ZNF804B: variants seen among roughly 807,000 people sequenced by gnomAD.
ZNF804B encodes zinc finger 804B.
In ZNF804B, 80 loss-of-function variants were observed where a neutral mutation model predicts 101.4. The ratio of observed to expected loss-of-function variants is 0.79; its 90% CI spans 0.66 to 0.95. The LOEUF is 0.95. ZNF804B is among the 40% of genes least tolerant of loss of function. The pLI is 0.00. For missense variants in ZNF804B, 1,673 were observed against 1,561.9 expected (o/e 1.07, Z -1.20); for synonymous variants, 622 against 558.8 (o/e 1.11, Z -1.59).
intron 1 of ZNF804B, among the ~76,000 whole-genome samples, chr7:88,929,850 A>C (rs1792857252): frequency 6.6e-6 from 1 of 151,954 alleles, no homozygotes; most frequent in South Asian, 2.1e-4. Context: ...AATCCAACTC[A>C]TTTGTAAATA....
intron 1 of ZNF804B, among the ~76,000 whole-genome samples, chr7:88,850,954 A>G (rs1791443623): frequency 6.6e-6 from 1 of 152,126 alleles, no homozygotes; most frequent in Non-Finnish European, 1.5e-5. Flanking sequence ...AGATTTTTTA[A>G]AAGATTCAAA....
chr7:88,867,118 C>A (rs1326000123), intron 1 of ZNF804B, among the ~76,000 whole-genome samples: 1 of 152,086 alleles, frequency 6.6e-6, no homozygotes, highest in African/African-American at 2.4e-5. Flanking sequence ...TAAAGGAAAA[C>A]CCTTGACATC....
At chr7:88,948,569 C>A (rs1488257202) in intron 1 of ZNF804B, among the ~76,000 whole-genome samples, 1 of 151,892 alleles carries the variant, frequency 6.6e-6, no homozygotes, top group Non-Finnish European at 1.5e-5. Context: ...CCCTGACTGA[C>A]CCCCTGCCTG....
intron 1 of ZNF804B, among the ~76,000 whole-genome samples, chr7:88,984,578 T>G (rs1793734304): frequency 6.6e-6 from 1 of 152,028 alleles, no homozygotes. Context: ...AGCCCTTTTT[T>G]CTCTGACTTT....
At chr7:89,206,247 A>G (rs1001604424) in intron 1 of ZNF804B, among the ~76,000 whole-genome samples, 3 of 151,436 alleles carry the variant, frequency 2.0e-5, no homozygotes, top group Admixed American at 6.6e-5. Flanking sequence ...GGTATCTGAC[A>G]TGCCCTGGAG....
intron 1 of ZNF804B, among the ~76,000 whole-genome samples, chr7:88,984,957 G>T (rs1793739772): frequency 1.3e-5 from 2 of 151,924 alleles, no homozygotes; most frequent in Non-Finnish European, 2.9e-5. Context: ...GACACTAGAA[G>T]TGGGTGATTT....
chr7:89,207,637 A>G (rs1279897390), intron 1 of ZNF804B, among the ~76,000 whole-genome samples: 4 of 152,250 alleles, frequency 2.6e-5, no homozygotes. Flanking sequence ...TACAGTTTAC[A>G]TTAAGACTCA....
At chr7:89,248,882 C>G (rs35132018) in intron 2 of ZNF804B, among the ~76,000 whole-genome samples, 25,764 of 151,958 alleles carry the variant, frequency 0.17, 2,816 homozygotes, top group African/African-American at 0.3. Flanking sequence ...TGTATCTGCT[C>G]TCTTCAAGAC....
rs1326857203 is a variant in ZNF804B, at chr7:89,298,193, A to ATATT, written c.250-29150_250-29149insATTT. Reference sequence around the variant, plus strand: ...TCATATATATATAGTGTGTATATATATCTATATAGTGTGTGTGTGTGTGTA... The same window carrying ATATT: ...TCATATATATATAGTGTGTATATATATATTTCTATATAGTGTGTGTGTGTGTGTA... On this transcript the variant is annotated intron_variant, in intron 2 of 3. Coordinates refer to ENST00000333190, the MANE Select transcript of ZNF804B (RefSeq NM_181646.5). Among the ~76,000 whole-genome samples the ATATT allele has an allele frequency of 2.3e-3, 265 of 116,530 alleles. 3 individuals are homozygous for ATATT. The highest frequency in any genetic ancestry group is 8.1e-3 in the African/African-American group (242 of 30,060). The allele number at this position is 116,530 out of a possible 152,430, so 76.4% of individuals were successfully genotyped here.
chr7:89,331,329 T>C (rs1790978606), intron 3 of ZNF804B, among the ~76,000 whole-genome samples: 1 of 151,786 alleles, frequency 6.6e-6, no homozygotes, highest in African/African-American at 2.4e-5. Context: ...AATGTTGTAA[T>C]AAAGTCTCTA....
intron 1 of ZNF804B, among the ~76,000 whole-genome samples, chr7:89,059,179 T>C (rs1789338488): frequency 6.6e-6 from 1 of 152,214 alleles, no homozygotes. Flanking sequence ...TTTTCAGTTG[T>C]ATGCAGGATG....
intron 2 of ZNF804B, among the ~76,000 whole-genome samples, chr7:89,238,441 G>A (rs1266933269): frequency 6.6e-6 from 1 of 152,002 alleles, no homozygotes; most frequent in African/African-American, 2.4e-5. Flanking sequence ...AACTAGTAAT[G>A]TTCAAAAATA....
intron 1 of ZNF804B, among the ~76,000 whole-genome samples, chr7:89,060,219 T>C (rs1396254644): frequency 6.6e-6 from 1 of 152,118 alleles, no homozygotes; most frequent in Non-Finnish European, 1.5e-5. Flanking sequence ...AAGTCCACTA[T>C]ATCTATATAC....
intron 2 of ZNF804B, among the ~76,000 whole-genome samples, chr7:89,325,560 A>G (rs1330381885): frequency 3.3e-5 from 5 of 152,030 alleles, no homozygotes; most frequent in African/African-American, 1.2e-4. Flanking sequence ...AGAATTCTCA[A>G]TCATTTCTGT....
At chr7:88,839,470 C>T (rs770678227) in intron 1 of ZNF804B, among the ~76,000 whole-genome samples, 1 of 151,904 alleles carries the variant, frequency 6.6e-6, no homozygotes, top group Non-Finnish European at 1.5e-5. Context: ...CAATGTTGCA[C>T]AGCTATTAGG....
At chr7:88,945,266 T>A (rs1444082137) in intron 1 of ZNF804B, among the ~76,000 whole-genome samples, 1 of 152,092 alleles carries the variant, frequency 6.6e-6, no homozygotes, top group Non-Finnish European at 1.5e-5. Context: ...AATTTTTGTA[T>A]AAGGTGTAAG....
intron 1 of ZNF804B, among the ~76,000 whole-genome samples, chr7:89,163,888 T>G (rs1408099173): frequency 6.6e-6 from 1 of 151,982 alleles, no homozygotes; most frequent in Non-Finnish European, 1.5e-5. Context: ...CCTTTTCATT[T>G]TTCTTCCTTT....
chr7:88,980,227 T>C (rs1453421648), intron 1 of ZNF804B, among the ~76,000 whole-genome samples: 2 of 152,058 alleles, frequency 1.3e-5, no homozygotes, highest in Non-Finnish European at 2.9e-5. Context: ...TTGAATTTTG[T>C]TGAGCTTCTT....
At chr7:89,005,955 G>A (rs1163685896) in intron 1 of ZNF804B, among the ~76,000 whole-genome samples, 4 of 152,080 alleles carry the variant, frequency 2.6e-5, no homozygotes, top group African/African-American at 9.7e-5. Context: ...GATGGGACTA[G>A]ATACTCTGGC....
Sources: allele counts gnomAD v4.1 joint callset (sites outside exome capture counted in the v4.1 genomes callset), GRCh38; gene constraint gnomAD v4.1.1; transcripts MANE v1.5; gene names NCBI Gene and HGNC (gene_info 2026-07-23, HGNC 2026-07-21).